Variants in TINAG observed in about 807,000 individuals in gnomAD.
TINAG encodes tubulointerstitial nephritis antigen.
Under a neutral mutation model 72.7 loss-of-function variants are expected in TINAG, and 83 were observed. The ratio of observed to expected loss-of-function variants is 1.14; its 90% CI spans 0.96 to 1.37. The LOEUF (loss-of-function observed/expected upper bound fraction) is 1.37, where lower values mean the gene tolerates loss of function less well. Ranked by LOEUF, TINAG falls within the 40% of genes most tolerant of loss-of-function variation. The pLI is 0.00. For synonymous variants in TINAG, 234 were observed against 189.9 expected, an observed-to-expected ratio of 1.23 and a Z score of -1.91; for missense variants, 685 against 576.6, an observed-to-expected ratio of 1.19 and a Z score of -1.93.
At chr6:54,379,556 T>C (rs1364138121) in intron 9 of TINAG, among the ~76,000 whole-genome samples, 1 of 152,098 alleles carries the variant, frequency 6.6e-6, no homozygotes, top group Non-Finnish European at 1.5e-5. Flanking sequence ...TATGTATATA[T>C]AAATATTTTT....
chr6:54,335,843 G>A (rs1275604855), intron 4 of TINAG, among the ~76,000 whole-genome samples: 1 of 152,140 alleles, frequency 6.6e-6, no homozygotes, highest in Non-Finnish European at 1.5e-5. Flanking sequence ...ATGCATGATA[G>A]ACTATACATA....
Position 54,321,335 on chromosome 6 carries a change from T to A in TINAG, c.458T>A (p.Val153Glu), listed in dbSNP as rs1205288691. 6.2e-7 allele frequency: 1 copy of A among 1,613,892 alleles called. No homozygotes were observed. Residue 153 changes from valine to glutamate, a missense_variant, in exon 3 of 11, where the codon GTA (valine) becomes GAA (glutamate). Val to Glu is a moderately radical substitution (Grantham distance 121, BLOSUM62 -2). Coordinates refer to ENST00000259782, the MANE Select transcript of TINAG (RefSeq NM_014464.4). ...SGQQWKCSQH[V>E]CLVRSELIEQ... is the part of the protein sequence containing the mutation. Reference sequence around the variant, plus strand: ...CAGCAATGGAAATGTTCCCAGCATGTATGCCTTGTTCGTTCAGAATTAATT... The same window carrying A: ...CAGCAATGGAAATGTTCCCAGCATGAATGCCTTGTTCGTTCAGAATTAATT...
rs1764207223 is a variant in TINAG at position 54,390,109 on chromosome 6, A to C, written c.*184A>C. On this transcript the variant is annotated 3_prime_UTR_variant, in exon 11 of 11. Transcript: ENST00000259782. ...TCCTTCATATTACTGAGCATTAACA[A>C]CACCAATAAAGGACAGCAGAGTCCC... 3 of 755,472 alleles carry C rather than the reference A, an allele frequency of 4.0e-6. No homozygotes were observed. Among genetic ancestry groups the C allele is most frequent in the Non-Finnish European group, 6.0e-6 (3 of 503,290 alleles). The allele number at this position is 755,472 out of a possible 1,614,324, so 46.8% of individuals were successfully genotyped here. A position where few individuals can be genotyped will look rare whatever the true frequency, so the allele number is the denominator to read the frequency against.
intron 8 of TINAG, 110 bp downstream of exon 8, chr6:54,351,507 G>A (rs1360335694): frequency 3.0e-6 from 3 of 1,014,386 alleles, no homozygotes; most frequent in Non-Finnish European, 2.9e-6. Flanking sequence ...TTTACTTTAA[G>A]AGTATCCAAA....
chr6:54,308,107 G>C (rs371818411), upstream of TINAG: 1 of 1,549,682 alleles, frequency 6.5e-7, no homozygotes, highest in African/African-American at 1.4e-5. Context: ...CAGGTGAAAC[G>C]AATAATTGCA....
intron 9 of TINAG, among the ~76,000 whole-genome samples, chr6:54,362,337 C>T (rs1176057020): frequency 6.6e-6 from 1 of 151,566 alleles, no homozygotes; most frequent in Non-Finnish European, 1.5e-5. Context: ...TTCCAAAAAC[C>T]CTAGGGCCCT....
upstream of TINAG, chr6:54,308,383 C>A (rs931142311): frequency 3.1e-6 from 2 of 650,284 alleles, no homozygotes; most frequent in South Asian, 4.1e-5. Context: ...CATTGAAATT[C>A]TTGATTAATG....
intron 1 of TINAG, among the ~76,000 whole-genome samples, chr6:54,313,868 A>C (rs1784313481): frequency 1.3e-5 from 2 of 152,156 alleles, no homozygotes; most frequent in African/African-American, 4.8e-5. Context: ...TTATAGTTTA[A>C]ATGTGCAATT....
chr6:54,335,730 T>G (rs1168636131), intron 4 of TINAG, among the ~76,000 whole-genome samples: 1 of 152,170 alleles, frequency 6.6e-6, no homozygotes, highest in East Asian at 1.9e-4. Flanking sequence ...CCAACTACAG[T>G]GACAACGAAT....
At chr6:54,320,859 G>A (rs946003159) in intron 2 of TINAG, among the ~76,000 whole-genome samples, 1 of 152,126 alleles carries the variant, frequency 6.6e-6, no homozygotes, top group Non-Finnish European at 1.5e-5. Context: ...TGAGGTTGAT[G>A]TTCTTGACAA....
At chr6:54,367,685 A>G (rs1344905368) in intron 9 of TINAG, among the ~76,000 whole-genome samples, 4 of 151,716 alleles carry the variant, frequency 2.6e-5, no homozygotes, top group Non-Finnish European at 5.9e-5. Context: ...TTATTTTTCT[A>G]GTAGAGTGCT....
chr6:54,332,579 C>T (rs148647200), intron 4 of TINAG, among the ~76,000 whole-genome samples: 1,808 of 152,280 alleles, frequency 0.012, 42 homozygotes, highest in African/African-American at 0.041. Flanking sequence ...ATGAATAAAA[C>T]ACCAAAAGCA....
chr6:54,380,940 C>CAT (rs1763927652), intron 10 of TINAG, among the ~76,000 whole-genome samples: 1 of 147,288 alleles, frequency 6.8e-6, no homozygotes, highest in Non-Finnish European at 1.5e-5. Context: ...CATATATATA[C>CAT]ATATATATGT....
intron 10 of TINAG, among the ~76,000 whole-genome samples, chr6:54,386,175 GC>G (rs1429975603): frequency 2.6e-5 from 4 of 152,124 alleles, no homozygotes; most frequent in African/African-American, 9.7e-5. Flanking sequence ...ACAGGCGTGA[GC>G]CAGTGAACCC....
intron 8 of TINAG, among the ~76,000 whole-genome samples, chr6:54,352,544 T>G (rs1785291281): frequency 6.6e-6 from 1 of 151,818 alleles, no homozygotes; most frequent in African/African-American, 2.4e-5. Context: ...AATTAATCTC[T>G]AATTTCAATG....
At chr6:54,341,959 C>A (rs1785006701) in intron 4 of TINAG, among the ~76,000 whole-genome samples, 1 of 151,742 alleles carries the variant, frequency 6.6e-6, no homozygotes, top group Admixed American at 6.6e-5. Flanking sequence ...AATATTTGTC[C>A]CTGAGTATAT....
chr6:54,357,034 C>T (rs895728234), intron 9 of TINAG, among the ~76,000 whole-genome samples: 3 of 151,814 alleles, frequency 2.0e-5, no homozygotes, highest in African/African-American at 7.3e-5. Context: ...AGTTCTCTTT[C>T]CAATCTTTCT....
chr6:54,314,920 T>C (rs900874671), intron 1 of TINAG, among the ~76,000 whole-genome samples: 2 of 152,192 alleles, frequency 1.3e-5, no homozygotes, highest in African/African-American at 4.8e-5. Flanking sequence ...ATTAATCATT[T>C]TACTTTGTAG....
chr6:54,313,881 T>G (rs916261367), intron 1 of TINAG, among the ~76,000 whole-genome samples: 1 of 152,204 alleles, frequency 6.6e-6, no homozygotes, highest in African/African-American at 2.4e-5. Flanking sequence ...GTGCAATTTC[T>G]ATATTATTTT....
Sources: allele counts gnomAD v4.1 joint callset (sites outside exome capture counted in the v4.1 genomes callset), GRCh38; gene constraint gnomAD v4.1.1; transcripts MANE v1.5; gene names NCBI Gene and HGNC (gene_info 2026-07-23, HGNC 2026-07-21).